Variants in ASAP3 observed in about 807,000 individuals in gnomAD.
The protein encoded by ASAP3 is arf-GAP with SH3 domain, ANK repeat and PH domain-containing protein 3.
A neutral mutation model predicts 118.2 loss-of-function variants in ASAP3; 85 were observed. The ratio of observed to expected loss-of-function variants is 0.72; its 90% CI spans 0.60 to 0.86. The LOEUF (loss-of-function observed/expected upper bound fraction) is 0.86. ASAP3 is among the 40% of genes least tolerant of loss of function. The probability of loss-of-function intolerance (pLI) is 0.00; values close to 1 mark genes in which losing one functional copy is unlikely to be tolerated. For missense variants in ASAP3, 1,026 were observed against 1,175.0 expected (o/e 0.87, Z 1.85); for synonymous variants, 432 against 477.4 (o/e 0.90, Z 1.24).
Position 23,455,910 on chromosome 1 carries a change from G to A in ASAP3, c.319C>T (p.Arg107Cys), listed in dbSNP as rs374686646. ...TTCTTGAAGAGCGCAGCAACCTCGCGGGTGAACACGGCCAAGTTTAGGAAG... is the reference window on the plus strand; with the variant it reads ...TTCTTGAAGAGCGCAGCAACCTCGCAGGTGAACACGGCCAAGTTTAGGAAG... ...TGFLNLAVFT[R>C]EVAALFKNLI... Residue 107 changes from arginine to cysteine, a missense_variant, in exon 3 of 25, where the codon CGC (arginine) becomes TGC (cysteine). Physicochemically the swap from Arg to Cys is radical, Grantham distance 180. Transcript: ENST00000336689. The A allele has an allele frequency of 2.7e-5, 44 of 1,614,020 alleles. No individual in the cohort carries two copies. The highest frequency in any genetic ancestry group is 3.3e-5 in the Non-Finnish European group (39 of 1,180,018).
chr1:23,433,503 G>A lies in ASAP3; in HGVS notation c.2049C>T (p.Ala683=). ...AGGAGTAGTCCACATGTAGAGGGAA[G>A]GCAAAGGTCCCCGCCTGGGCCTGCT... ...LLEQAQAGTF[A]FPLHVDYSWV... is the part of the protein sequence containing the mutation. Residue 683 remains alanine (A), a synonymous_variant, in exon 21 of 25, where the codon GCC becomes GCT. Transcript: ENST00000336689. The A allele has an allele frequency of 6.2e-7, 1 of 1,614,180 alleles. No individual in the cohort carries two copies.
At chr1:23,480,187 G>A (rs925692382) in intron 1 of ASAP3, 21 of 152,076 alleles carry the variant, frequency 1.4e-4, no homozygotes, top group African/African-American at 4.8e-4. Context: ...AATAAATTAT[G>A]CCACTTGTCC....
At chr1:23,449,561 ACG>A (rs1641151042) in intron 5 of ASAP3, among the ~76,000 whole-genome samples, 2 of 152,130 alleles carry the variant, frequency 1.3e-5, no homozygotes, top group African/African-American at 4.8e-5. Context: ...ATAGGAACTT[ACG>A]GCTCACGCAT....
chr1:23,456,182 C>T lies in ASAP3; in HGVS notation c.142G>A (p.Asp48Asn), dbSNP rs755067543. 1 of 1,614,054 alleles carries T rather than the reference C, an allele frequency of 6.2e-7. No individual in the cohort carries two copies. Among genetic ancestry groups the T allele is most frequent in the Admixed American group, 1.7e-5 (1 of 60,014 alleles). Residue 48 changes from aspartate (D) to asparagine (N), a missense_variant, in exon 2 of 25, where the codon GAC becomes AAC. Coordinates refer to ENST00000336689, the MANE Select transcript of ASAP3 (RefSeq NM_017707.4). ...TTTATTCTCTGCAGGATGGCTTGGT[C>T]TCCTTCCAAGATCTGGAAGCAAATG... ...ALAREEILEG[D>N]QAILQRIKKA...
intron 22 of ASAP3, among the ~76,000 whole-genome samples, chr1:23,432,402 G>T (rs751362100): frequency 2.0e-5 from 3 of 152,060 alleles, no homozygotes; most frequent in Non-Finnish European, 2.9e-5. Context: ...CGGTGGCCAG[G>T]GCCATGCTGA....
chr1:23,472,280 G>C (rs760750614), intron 1 of ASAP3, among the ~76,000 whole-genome samples: 17 of 152,216 alleles, frequency 1.1e-4, no homozygotes, highest in Non-Finnish European at 2.2e-4. Context: ...AGCAACCTAA[G>C]GGATTGTAGG....
intron 5 of ASAP3, among the ~76,000 whole-genome samples, chr1:23,447,120 C>T (rs904521976): frequency 1.3e-5 from 2 of 152,208 alleles, no homozygotes; most frequent in African/African-American, 4.8e-5. Flanking sequence ...TGCCAACGCT[C>T]ACCTCCTGCT....
chr1:23,433,499 G>A lies in ASAP3; in HGVS notation c.2053C>T (p.Pro685Ser), dbSNP rs760113301. 8 of 1,614,074 alleles carry A rather than the reference G, an allele frequency of 5.0e-6. No individual in the cohort carries two copies. The highest frequency in any genetic ancestry group is 1.3e-5 in the African/African-American group (1 of 74,922). Reference protein sequence around the residue: ...EQAQAGTFAFPLHVDYSWVIS... With the variant: ...EQAQAGTFAFSLHVDYSWVIS... Reference sequence around the variant, plus strand: ...ACCCAGGAGTAGTCCACATGTAGAGGGAAGGCAAAGGTCCCCGCCTGGGCC... The same window carrying A: ...ACCCAGGAGTAGTCCACATGTAGAGAGAAGGCAAAGGTCCCCGCCTGGGCC... Residue 685 changes from proline (P) to serine (S), a missense_variant, in exon 21 of 25, where the codon CCT becomes TCT. Coordinates refer to ENST00000336689, the MANE Select transcript of ASAP3 (RefSeq NM_017707.4).
rs776060422 is a variant in ASAP3 at position 23,442,463 on chromosome 1, T to C, written c.585+38A>G. 5 of 1,604,068 alleles carry C rather than the reference T, an allele frequency of 3.1e-6. No homozygotes were observed. In the African/African-American group the frequency reaches 6.7e-5, roughly 21 times the overall value. On this transcript the variant is annotated intron_variant, in intron 6 of 24. Transcript: ENST00000336689. ...CTGGAGAGGCAGACAGGAAGACACA[T>C]CCCACGCCCCCCCTCCCTCATCCAG...
At chr1:23,455,505 G>A (rs1336633897) in intron 3 of ASAP3, among the ~76,000 whole-genome samples, 2 of 152,210 alleles carry the variant, frequency 1.3e-5, no homozygotes, top group African/African-American at 2.4e-5. Flanking sequence ...AGGAGGAGGC[G>A]GTGGCAGCGG....
At chr1:23,454,482 G>A (rs1469201384) in intron 3 of ASAP3, among the ~76,000 whole-genome samples, 7 of 152,046 alleles carry the variant, frequency 4.6e-5, no homozygotes, top group African/African-American at 1.4e-4. Context: ...CACCGCACCC[G>A]GCAATTTTCA....
chr1:23,431,666 C>A, intron 23 of ASAP3, 30 bp downstream of exon 23: 1 of 1,511,476 alleles, frequency 6.6e-7, no homozygotes. Context: ...AGGGGATTTG[C>A]CCTGGTTGCA....
chr1:23,465,212 T>C (rs1296681912), intron 1 of ASAP3, among the ~76,000 whole-genome samples: 1 of 152,230 alleles, frequency 6.6e-6, no homozygotes, highest in African/African-American at 2.4e-5. Context: ...TTGAATTAAT[T>C]AAACATATCT....
Position 23,455,974 on chromosome 1 carries a change from G to C in ASAP3, c.255C>G (p.Asn85Lys), listed in dbSNP as rs758935550. The C allele has an allele frequency of 6.2e-7, 1 of 1,614,182 alleles. No homozygotes were observed. The highest frequency in any genetic ancestry group is 8.5e-7 in the Non-Finnish European group (1 of 1,180,034). The change falls in exon 3 of 25, where the codon AAC becomes AAG. Residue 85 changes from asparagine to lysine, a missense_variant. Physicochemically the swap from Asn to Lys is moderately conservative, Grantham distance 94. Coordinates refer to ENST00000336689, the MANE Select transcript of ASAP3 (RefSeq NM_017707.4). ...CATGGCTGTTCTGGGACAGGTGGCT[G>C]TTGCCTAAGGATTCCACGGCCTCTC... ...QYREAVESLG[N>K]SHLSQNSHEL...
intron 6 of ASAP3, 108 bp downstream of exon 6, chr1:23,442,393 C>T: frequency 1.3e-6 from 2 of 1,586,506 alleles, no homozygotes; most frequent in Admixed American, 1.8e-5. Flanking sequence ...TGACATCCCA[C>T]AGGGCCATGT....
Position 23,438,908 on chromosome 1 carries a change from C to T in ASAP3, c.1015-74G>A. The T allele has an allele frequency of 6.9e-7, 1 of 1,451,082 alleles. No individual in the cohort carries two copies. Among genetic ancestry groups the T allele is most frequent in the Non-Finnish European group, 9.7e-7 (1 of 1,035,592 alleles). 89.9% of individuals were successfully genotyped at this position (1,451,082 alleles called of 1,614,324 possible). ...ACATTCTTTAGGCCTCCATTTCCCA[C>T]TCTGTTAAATGGGCATAATCATCCT... On this transcript the variant is annotated intron_variant, in intron 11 of 24. Coordinates refer to ENST00000336689, the MANE Select transcript of ASAP3 (RefSeq NM_017707.4). The surrounding 1 kb of genome is among the most constrained non-coding windows in gnomAD (Gnocchi z 4.9).
chr1:23,440,098 G>A (rs1012396598), intron 10 of ASAP3, among the ~76,000 whole-genome samples: 2 of 150,302 alleles, frequency 1.3e-5, no homozygotes, highest in Admixed American at 1.3e-4. Context: ...TTACAGGTGT[G>A]AGCCACTGCA....
At chr1:23,474,215 G>A (rs1175789607) in intron 1 of ASAP3, among the ~76,000 whole-genome samples, 1 of 151,898 alleles carries the variant, frequency 6.6e-6, no homozygotes, top group Non-Finnish European at 1.5e-5. Flanking sequence ...TGATCCACCC[G>A]CCTTAGTCCC....
At chr1:23,461,318 C>A (rs533998259) in intron 1 of ASAP3, among the ~76,000 whole-genome samples, 8 of 152,172 alleles carry the variant, frequency 5.3e-5, no homozygotes, top group Non-Finnish European at 8.8e-5. Flanking sequence ...GTACTTCCTG[C>A]CCAATTTTGC....
Sources: gnomAD v4.1 joint callset for allele counts (sites outside exome capture counted in the v4.1 genomes callset) on GRCh38, gnomAD v4.1.1 for gene constraint, Gnocchi (gnomAD v3.1) non-coding constraint, MANE v1.5 for transcripts, NCBI Gene and HGNC (gene_info 2026-07-23, HGNC 2026-07-21) for gene names.